Variants in PIK3C2G observed in about 807,000 individuals in gnomAD.
The protein encoded by PIK3C2G is phosphatidylinositol-4-phosphate 3-kinase catalytic subunit type 2 gamma.
Under a neutral mutation model 181.1 loss-of-function variants are expected in PIK3C2G, and 168 were observed. That is an observed-to-expected ratio of 0.93 (90% CI 0.82 to 1.05). PIK3C2G has a LOEUF of 1.05. Ranked by LOEUF, PIK3C2G falls within the 50% of genes least tolerant of loss-of-function variation. The probability of loss-of-function intolerance (pLI) is 0.00; values close to 1 mark genes in which losing one functional copy is unlikely to be tolerated. For synonymous variants in PIK3C2G, 573 were observed against 592.2 expected, an observed-to-expected ratio of 0.97 and a Z score of 0.47; for missense variants, 1,869 against 1,732.8, an observed-to-expected ratio of 1.08 and a Z score of -1.40.
At chr12:18,682,363 T>G in the PIK3C2G span, among the ~76,000 whole-genome samples, 1 of 152,044 alleles carries the variant, frequency 6.6e-6, no homozygotes, top group African/African-American at 2.4e-5. Context: ...AAGTCCCTAT[T>G]AAAAGTCCCT....
At chr12:18,397,852 C>T (rs1193562056) in intron 15 of PIK3C2G, among the ~76,000 whole-genome samples, 1 of 151,862 alleles carries the variant, frequency 6.6e-6, no homozygotes, top group African/African-American at 2.4e-5. Flanking sequence ...AATACCCCCC[C>T]AAAAGGAAGC....
intron 31 of PIK3C2G, among the ~76,000 whole-genome samples, chr12:18,637,687 G>A (rs922243341): frequency 1.3e-5 from 2 of 152,228 alleles, no homozygotes; most frequent in African/African-American, 4.8e-5. Context: ...GGCCTACAGA[G>A]AAGAGTGATC....
At chr12:18,410,765 A>G (rs1592190200) in intron 16 of PIK3C2G, among the ~76,000 whole-genome samples, 1 of 152,176 alleles carries the variant, frequency 6.6e-6, no homozygotes, top group African/African-American at 2.4e-5. Flanking sequence ...TCAGTGCATC[A>G]TGTTACTTTT....
intron 26 of PIK3C2G, among the ~76,000 whole-genome samples, chr12:18,559,815 TATATATAGAGAGAGAGAGAGAGAG>T (rs1459128123): frequency 2.9e-4 from 7 of 24,498 alleles, no homozygotes; most frequent in South Asian, 2.0e-3. Context: ...TATATATATA[TATATATAGAGAGAGAGAGAGAGAG>T]AGAGAGAGAG....
intron 24 of PIK3C2G, among the ~76,000 whole-genome samples, chr12:18,510,787 G>A (rs763183599): frequency 6.6e-6 from 1 of 152,138 alleles, no homozygotes; most frequent in Non-Finnish European, 1.5e-5. Flanking sequence ...GATACAATGT[G>A]ACGAAATCAA....
At chr12:18,591,661 G>A (rs12832281) in intron 29 of PIK3C2G, among the ~76,000 whole-genome samples, 9 of 151,760 alleles carry the variant, frequency 5.9e-5, no homozygotes, top group African/African-American at 9.7e-5. Context: ...CCAGTCAAGA[G>A]CAGTCTTACA....
At position 18,491,661 on chromosome 12, in the gene PIK3C2G, G is replaced by A. The variant is rs943564037; in HGVS notation, c.2793+103G>A. On this transcript the variant is annotated intron_variant, in intron 20 of 32. Coordinates refer to ENST00000538779, the MANE Select transcript of PIK3C2G (RefSeq NM_001288772.2). ...CAAAAAGAATTCGTAAGTTGACACT[G>A]CAATTATTTTAACGAAAAAGTAACT... 1.7e-5 allele frequency: 11 copies of A among 636,308 alleles called. No homozygotes were observed. In the Admixed American group the frequency reaches 3.0e-4, roughly 18 times the overall value. The allele number at this position is 636,308 out of a possible 1,614,324, so 39.4% of individuals were successfully genotyped here. A position where few individuals can be genotyped will look rare whatever the true frequency, so the allele number is the denominator to read the frequency against.
At chr12:18,409,315 A>G (rs919429213) in intron 16 of PIK3C2G, among the ~76,000 whole-genome samples, 1 of 151,920 alleles carries the variant, frequency 6.6e-6, no homozygotes, top group Non-Finnish European at 1.5e-5. Flanking sequence ...CTAAACCCCA[A>G]CTGTTCTCGC....
intron 18 of PIK3C2G, among the ~76,000 whole-genome samples, chr12:18,437,882 G>A (rs868356683): frequency 3.3e-5 from 5 of 151,830 alleles, no homozygotes; most frequent in African/African-American, 9.7e-5. Flanking sequence ...CCTAGGAAGC[G>A]TATTGAGGAA....
At chr12:18,691,359 G>A in the PIK3C2G span, among the ~76,000 whole-genome samples, 1 of 152,106 alleles carries the variant, frequency 6.6e-6, no homozygotes. Context: ...AGGATGCTCA[G>A]TGAGCTAAAA....
At position 18,391,233 on chromosome 12, in the gene PIK3C2G, C is replaced by T; in HGVS notation, c.2107C>T (p.Gln703Ter). 1 of 1,591,862 alleles carries T rather than the reference C, an allele frequency of 6.3e-7. No homozygotes were observed. Among genetic ancestry groups the T allele is most frequent in the South Asian group, 1.2e-5 (1 of 86,710 alleles). Residue 703 changes from glutamine to a stop codon, truncating the protein, a stop_gained, in exon 15 of 33, where the codon CAG (glutamine) becomes TAG (stop). Coordinates refer to ENST00000538779, the MANE Select transcript of PIK3C2G (RefSeq NM_001288772.2). LOFTEE classifies it high-confidence loss of function. Reference sequence around the variant, plus strand: ...TATAAAACATATTGCCAGACTTTCACAGAAACAGACTCCCCTACTGTAAGT... The same window carrying T: ...TATAAAACATATTGCCAGACTTTCATAGAAACAGACTCCCCTACTGTAAGT... ...ECIKHIARLSQKQTPLLLSEE... is the reference protein window; with the variant it reads ...ECIKHIARLS
In PIK3C2G at chr12:18,286,855, T is replaced by C. The variant is rs769868064; in HGVS notation, c.687T>C (p.Gly229=). 1.3e-6 allele frequency: 2 copies of C among 1,531,076 alleles called. No homozygotes were observed. Among genetic ancestry groups the C allele is most frequent in the Non-Finnish European group, 1.8e-6 (2 of 1,128,228 alleles). 94.8% of individuals were successfully genotyped at this position (1,531,076 alleles called of 1,614,324 possible). A position where few individuals can be genotyped will look rare whatever the true frequency, so the allele number is the denominator to read the frequency against. Residue 229 remains glycine, a synonymous_variant, in exon 3 of 33, where the codon GGT becomes GGC. Coordinates refer to ENST00000538779, the MANE Select transcript of PIK3C2G (RefSeq NM_001288772.2). ...STWQKNIESI[G]CSIQLVEVPQ... is the part of the protein sequence containing the mutation. Reference sequence around the variant, plus strand: ...GTAGATTTTATTTTAAGTCAATAGGTTGTTCCATTCAGCTAGTGGAAGTAC... The same window carrying C: ...GTAGATTTTATTTTAAGTCAATAGGCTGTTCCATTCAGCTAGTGGAAGTAC...
chr12:18,320,811 C>T, intron 6 of PIK3C2G, 151 bp from the exon 7 acceptor site: 1 of 566,570 alleles, frequency 1.8e-6, no homozygotes, highest in Non-Finnish European at 3.1e-6. Context: ...TAAGGAGAGC[C>T]TTTTAAGGTC....
chr12:18,342,938 C>T (rs926471919), intron 9 of PIK3C2G, among the ~76,000 whole-genome samples: 4 of 151,924 alleles, frequency 2.6e-5, no homozygotes, highest in South Asian at 4.1e-4. Context: ...TCAATTCAGT[C>T]TTGTTTTTGG....
At chr12:18,598,124 T>G (rs1262774930) in intron 30 of PIK3C2G, among the ~76,000 whole-genome samples, 2 of 152,158 alleles carry the variant, frequency 1.3e-5, no homozygotes, top group Non-Finnish European at 2.9e-5. Context: ...CCAATGACTT[T>G]CTTCACAGAA....
chr12:18,650,345 ATATG>A (rs1230987555), downstream of PIK3C2G, among the ~76,000 whole-genome samples: 294 of 127,726 alleles, frequency 2.3e-3, 1 homozygote, highest in Middle Eastern at 3.9e-3. Flanking sequence ...ATATATATAT[ATATG>A]TGTGTGTGTG....
At chr12:18,594,631 T>A in intron 30 of PIK3C2G, 62 bp downstream of exon 30, 1 of 851,046 alleles carries the variant, frequency 1.2e-6, no homozygotes, top group Non-Finnish European at 1.8e-6. Flanking sequence ...CAAAAAGATA[T>A]CACAACTAAT....
chr12:18,290,237 C>T (rs1014315364), intron 3 of PIK3C2G, among the ~76,000 whole-genome samples: 3 of 152,142 alleles, frequency 2.0e-5, no homozygotes, highest in Non-Finnish European at 4.4e-5. Context: ...AAAGTCAAGG[C>T]TTCTGGCTCC....
Position 18,468,066 on chromosome 12 carries a change from C to T in PIK3C2G, c.2505-20383C>T, listed in dbSNP as rs568962181. ...CCTGTCACTCAAACACAGCCCAAAC[C>T]TCAACTGCTCCCCAGAAACCCATAA... On this transcript the variant is annotated intron_variant, in intron 18 of 32. Coordinates refer to ENST00000538779, the MANE Select transcript of PIK3C2G (RefSeq NM_001288772.2). 7.9e-5 allele frequency among the ~76,000 whole-genome samples: 12 copies of T among 152,118 alleles called. No homozygotes were observed. The South Asian group carries it at 1.5e-3, about 18-fold the overall frequency.
Sources: allele counts gnomAD v4.1 joint callset (sites outside exome capture counted in the v4.1 genomes callset), GRCh38; gene constraint gnomAD v4.1.1; transcripts MANE v1.5; gene names NCBI Gene and HGNC (gene_info 2026-07-23, HGNC 2026-07-21).